The following CSMD2 variants were observed in gnomAD, a reference collection of about 807,000 sequenced individuals.
CSMD2 encodes the protein CUB and sushi domain-containing protein 2.
CSMD2 carries 130 observed loss-of-function variants against 398.5 expected under a neutral mutation model. The ratio of observed to expected loss-of-function variants is 0.33; its 90% confidence interval spans 0.28 to 0.38. CSMD2 has a LOEUF of 0.38. Among genes scored for constraint, CSMD2 ranks in the 10% least tolerant of loss-of-function variants. The pLI is 1.00. For synonymous variants in CSMD2, 1,828 were observed against 1,908.5 expected (o/e 0.96, Z 1.10); for missense variants, 3,829 against 4,764.9 (o/e 0.80, Z 5.78).
intron 5 of CSMD2, among the ~76,000 whole-genome samples, chr1:33,853,068 A>G (rs2125094201): frequency 6.6e-6 from 1 of 152,382 alleles, no homozygotes; most frequent in South Asian, 2.1e-4. Flanking sequence ...ATAAAAAAGG[A>G]CACAGATGTA....
intron 2 of CSMD2, among the ~76,000 whole-genome samples, chr1:34,072,138 G>C (rs1655795705): frequency 6.6e-6 from 1 of 152,256 alleles, no homozygotes; most frequent in African/African-American, 2.4e-5. Flanking sequence ...TGGCCTCACT[G>C]TTTATGGGTA....
chr1:33,708,605 T>TATTATTATTATG (rs1645883677), intron 22 of CSMD2, among the ~76,000 whole-genome samples: 2 of 148,686 alleles, frequency 1.3e-5, no homozygotes, highest in Non-Finnish European at 3.0e-5. Flanking sequence ...TTATTATTAT[T>TATTATTATTATG]ATTATTATTA....
chr1:34,100,269 C>T (rs185053463), intron 1 of CSMD2, among the ~76,000 whole-genome samples: 141 of 152,270 alleles, frequency 9.3e-4, no homozygotes, highest in Non-Finnish European at 1.6e-3. Flanking sequence ...CAGTCTCCCT[C>T]CTCCCCACCC....
At chr1:33,701,929 G>C (rs1364682726) in intron 22 of CSMD2, among the ~76,000 whole-genome samples, 1 of 152,170 alleles carries the variant, frequency 6.6e-6, no homozygotes, top group Non-Finnish European at 1.5e-5. Context: ...AAGACAATCA[G>C]ACACCATGTG....
chr1:33,608,042 C>T (rs549384408), intron 41 of CSMD2, among the ~76,000 whole-genome samples: 54 of 152,188 alleles, frequency 3.5e-4, no homozygotes, highest in African/African-American at 1.2e-3. Flanking sequence ...ACACTAGTCC[C>T]GAATGTTGGC....
At chr1:33,681,642 A>G (rs750628768) in intron 25 of CSMD2, among the ~76,000 whole-genome samples, 1 of 152,198 alleles carries the variant, frequency 6.6e-6, no homozygotes, top group Non-Finnish European at 1.5e-5. Context: ...GGATGCTGTA[A>G]CATATTACAA....
chr1:33,959,356 AGATATT>A (rs970149506), intron 3 of CSMD2, among the ~76,000 whole-genome samples: 63 of 152,308 alleles, frequency 4.1e-4, no homozygotes, highest in African/African-American at 1.4e-3. Context: ...AGACACACAC[AGATATT>A]TAAGTCAGAA....
intron 27 of CSMD2, among the ~76,000 whole-genome samples, chr1:33,655,474 G>A (rs886214887): frequency 7.9e-5 from 12 of 152,222 alleles, no homozygotes; most frequent in Admixed American, 7.9e-4. Context: ...TTACTGGTGA[G>A]GAAATTAAGG....
At chr1:34,021,507 G>T (rs138916336) in intron 3 of CSMD2, among the ~76,000 whole-genome samples, 14 of 152,324 alleles carry the variant, frequency 9.2e-5, no homozygotes, top group African/African-American at 3.1e-4. Flanking sequence ...GCTGGGAGTG[G>T]GCTGGCAGTG....
chr1:33,770,530 C>A (rs1008977569), intron 13 of CSMD2, among the ~76,000 whole-genome samples: 3 of 152,196 alleles, frequency 2.0e-5, no homozygotes, highest in Admixed American at 1.3e-4. Context: ...GGCATGGGGC[C>A]GGTTGGCTCC....
At chr1:33,759,276 T>G (rs1427271172) in intron 13 of CSMD2, among the ~76,000 whole-genome samples, 1 of 149,100 alleles carries the variant, frequency 6.7e-6, no homozygotes, top group Non-Finnish European at 1.5e-5. Context: ...GGGAGAGAGG[T>G]AGGAAGGGGT....
intron 13 of CSMD2, among the ~76,000 whole-genome samples, chr1:33,757,253 C>G (rs1210100188): frequency 6.6e-6 from 1 of 152,032 alleles, no homozygotes; most frequent in African/African-American, 2.4e-5. Context: ...CACATGTATA[C>G]ATATGTAACT....
In CSMD2 at chr1:33,985,095, C is replaced by T. The variant is rs551323554; in HGVS notation, c.517+47499G>A. On this transcript the variant is annotated intron_variant, in intron 3 of 70. Transcript: ENST00000373381. Reference sequence around the variant, plus strand: ...GACCTCAGAATCCATCATATTCAAGCCAAGTGTGTGCAGTAACGCAATGCC... The same window carrying T: ...GACCTCAGAATCCATCATATTCAAGTCAAGTGTGTGCAGTAACGCAATGCC... 6.6e-5 allele frequency among the ~76,000 whole-genome samples: 10 copies of T among 152,296 alleles called. No homozygotes were observed. In the East Asian group the frequency reaches 1.7e-3, roughly 26 times the overall value.
chr1:33,963,062 T>TGC, intron 3 of CSMD2, among the ~76,000 whole-genome samples: 1 of 152,236 alleles, frequency 6.6e-6, no homozygotes, highest in South Asian at 2.1e-4. Flanking sequence ...TGCCTGAGAG[T>TGC]GCAGATCTTG....
intron 13 of CSMD2, among the ~76,000 whole-genome samples, chr1:33,757,861 C>T (rs1183096723): frequency 3.3e-5 from 5 of 152,216 alleles, no homozygotes; most frequent in South Asian, 2.1e-4. Context: ...GTCACATCCT[C>T]ATCACATCCC....
intron 2 of CSMD2, among the ~76,000 whole-genome samples, chr1:34,056,154 A>G (rs974593219): frequency 6.6e-6 from 1 of 151,754 alleles, no homozygotes; most frequent in Admixed American, 6.6e-5. Flanking sequence ...TATTCTTCCT[A>G]CTCCATTTAT....
chr1:34,082,123 C>G (rs1179411102), intron 2 of CSMD2, among the ~76,000 whole-genome samples: 1 of 143,102 alleles, frequency 7.0e-6, no homozygotes, highest in African/African-American at 2.6e-5. Flanking sequence ...CGCCTCTGCC[C>G]GGCCGCCCCG....
chr1:34,006,136 G>A (rs1247959927), intron 3 of CSMD2, among the ~76,000 whole-genome samples: 1 of 152,080 alleles, frequency 6.6e-6, no homozygotes, highest in Non-Finnish European at 1.5e-5. Flanking sequence ...TAGAACTCCA[G>A]CCCATCTTGG....
rs755166197 is a variant in CSMD2, at chr1:33,523,385, G to C, written c.10431C>G (p.Leu3477=). The change falls in exon 67 of 71, where the codon CTC becomes CTG. Residue 3477 remains leucine (L), a synonymous_variant. Coordinates refer to ENST00000373381, the MANE Select transcript of CSMD2 (RefSeq NM_001281956.2). ...TYKKEDFHLL[L]QVYQITGPVE... ...CAGGCCCTGTAATCTGGTACACCTG[G>C]AGTAGGAGATGAAAATCTTCTTTCT... The C allele has an allele frequency of 1.9e-5, 30 of 1,577,996 alleles. No individual in the cohort carries two copies. The highest frequency in any genetic ancestry group is 2.3e-5 in the Non-Finnish European group (27 of 1,149,702).
Sources: gnomAD v4.1 joint callset for allele counts (sites outside exome capture counted in the v4.1 genomes callset) on GRCh38, gnomAD v4.1.1 for gene constraint, MANE v1.5 for transcripts, NCBI Gene and HGNC (gene_info 2026-07-23, HGNC 2026-07-21) for gene names.